The following PTPRM variants were observed in gnomAD, a reference collection of about 807,000 sequenced individuals.
PTPRM encodes the protein protein tyrosine phosphatase receptor type M.
Under a neutral mutation model 186.7 loss-of-function variants are expected in PTPRM, and 47 were observed. That is an observed-to-expected ratio of 0.25 (90% CI 0.20 to 0.32). PTPRM has a LOEUF of 0.32. Among genes scored for constraint, PTPRM ranks in the 10% least tolerant of loss-of-function variants. The pLI is 1.00. For synonymous variants in PTPRM, 668 were observed against 674.9 expected, an observed-to-expected ratio of 0.99 and a Z score of 0.16; for missense variants, 1,494 against 1,865.0, an observed-to-expected ratio of 0.80 and a Z score of 3.66.
intron 28 of PTPRM, among the ~76,000 whole-genome samples, chr18:8,379,574 G>A (rs1471618082): frequency 6.6e-6 from 1 of 152,238 alleles, no homozygotes; most frequent in Non-Finnish European, 1.5e-5. Context: ...GCATGGCACA[G>A]TTGCCCTCTG....
chr18:8,159,873 T>C (rs1174597462), intron 14 of PTPRM, among the ~76,000 whole-genome samples: 1 of 152,166 alleles, frequency 6.6e-6, no homozygotes, highest in Non-Finnish European at 1.5e-5. Flanking sequence ...AAAAAAAAAT[T>C]TCAGGGATGT....
chr18:7,993,459 C>G (rs2083369929), intron 7 of PTPRM, among the ~76,000 whole-genome samples: 1 of 151,970 alleles, frequency 6.6e-6, no homozygotes. Context: ...AGAGAGAATT[C>G]TAAACAATAG....
chr18:8,226,429 A>C (rs2094215096), intron 14 of PTPRM, among the ~76,000 whole-genome samples: 1 of 152,208 alleles, frequency 6.6e-6, no homozygotes, highest in Admixed American at 6.5e-5. Context: ...CTGTGAAACA[A>C]GAAATTCAGA....
chr18:7,864,159 T>C (rs1033789983), intron 2 of PTPRM, among the ~76,000 whole-genome samples: 1 of 152,242 alleles, frequency 6.6e-6, no homozygotes, highest in Non-Finnish European at 1.5e-5. Flanking sequence ...CTGTTCACTC[T>C]GATGATAGTT....
rs1287635194 is a variant in PTPRM at position 8,001,758 on chromosome 18, C to T, written c.1132+46344C>T. 3.0e-4 allele frequency among the ~76,000 whole-genome samples: 46 copies of T among 152,146 alleles called. 1 individual carries two copies. The highest frequency in any genetic ancestry group is 3.0e-3 in the Admixed American group (46 of 15,278). On this transcript the variant is annotated intron_variant, in intron 7 of 32. Transcript: ENST00000580170. ...GTTTTTCTTTGCTGAGCTCTAGCAG[C>T]CAGTTGGCCTGGTGAGATTGAATAA...
intron 23 of PTPRM, among the ~76,000 whole-genome samples, chr18:8,346,974 T>C (rs560488215): frequency 2.6e-5 from 4 of 152,324 alleles, no homozygotes; most frequent in Middle Eastern, 3.4e-3. Context: ...AGCCACCTCA[T>C]GTAGCCTAAA....
At chr18:7,812,324 C>T (rs974705006) in intron 2 of PTPRM, among the ~76,000 whole-genome samples, 1 of 152,202 alleles carries the variant, frequency 6.6e-6, no homozygotes, top group Non-Finnish European at 1.5e-5. Flanking sequence ...TTGTGCACTG[C>T]TGTTGCTCTT....
chr18:7,865,398 G>T (rs946517595), intron 2 of PTPRM, among the ~76,000 whole-genome samples: 3 of 152,134 alleles, frequency 2.0e-5, no homozygotes, highest in African/African-American at 7.2e-5. Flanking sequence ...AGCATAAAGG[G>T]TGTTGAATTT....
intron 7 of PTPRM, among the ~76,000 whole-genome samples, chr18:7,985,559 A>G (rs1184100593): frequency 1.3e-5 from 2 of 148,488 alleles, no homozygotes; most frequent in African/African-American, 4.9e-5. Context: ...ACTGGTAGAT[A>G]CGTATATAAA....
rs149117926 is a variant in PTPRM at position 8,235,986 on chromosome 18, C to A, written c.2301-8072C>A. ...TAATTTGTTAAGCTGTGTTTAATGGCTCATGATGCGGTCTATCTGGTGAAT... is the reference window on the plus strand; with the variant it reads ...TAATTTGTTAAGCTGTGTTTAATGGATCATGATGCGGTCTATCTGGTGAAT... On this transcript the variant is annotated intron_variant, in intron 14 of 32. Transcript: ENST00000580170. Among the ~76,000 whole-genome samples, 6 of 152,252 alleles carry A rather than the reference C, an allele frequency of 3.9e-5. No homozygotes were observed. The East Asian group carries it at 9.7e-4, about 24-fold the overall frequency.
intron 19 of PTPRM, among the ~76,000 whole-genome samples, chr18:8,284,308 C>A (rs2094933418): frequency 6.6e-6 from 1 of 152,172 alleles, no homozygotes; most frequent in Non-Finnish European, 1.5e-5. Flanking sequence ...GAACCACGTG[C>A]CCCTAAGGTT....
chr18:8,238,284 GTGTTTT>G (rs535066910), intron 14 of PTPRM, among the ~76,000 whole-genome samples: 3 of 151,910 alleles, frequency 2.0e-5, no homozygotes, highest in Admixed American at 6.6e-5. Context: ...GACATTTTGT[GTGTTTT>G]TGTTTTTGTT....
At chr18:7,642,061 C>T (rs1297668332) in intron 1 of PTPRM, among the ~76,000 whole-genome samples, 2 of 152,130 alleles carry the variant, frequency 1.3e-5, no homozygotes, top group Non-Finnish European at 2.9e-5. Context: ...CCGTGGCAGA[C>T]CTTGTCCCAA....
intron 20 of PTPRM, among the ~76,000 whole-genome samples, chr18:8,307,761 G>A (rs76094946): frequency 2.1e-4 from 32 of 151,564 alleles, no homozygotes; most frequent in Admixed American, 4.6e-4. Flanking sequence ...CCAAGATCGC[G>A]CCATTGCACT....
At chr18:8,087,381 T>C (rs2090487350) in intron 10 of PTPRM, among the ~76,000 whole-genome samples, 1 of 152,118 alleles carries the variant, frequency 6.6e-6, no homozygotes, top group African/African-American at 2.4e-5. Context: ...TACCCGAGAC[T>C]GGGTAACTTA....
chr18:8,118,108 A>G (rs1345000977), intron 13 of PTPRM, among the ~76,000 whole-genome samples: 3 of 152,202 alleles, frequency 2.0e-5, no homozygotes, highest in Non-Finnish European at 4.4e-5. Flanking sequence ...CAAATGTGTT[A>G]TTAGTAAGTT....
intron 2 of PTPRM, among the ~76,000 whole-genome samples, chr18:7,880,323 A>G (rs1383860604): frequency 6.6e-6 from 1 of 152,212 alleles, no homozygotes; most frequent in Non-Finnish European, 1.5e-5. Context: ...CCAGCATGTC[A>G]TGAATGGGGC....
At chr18:7,881,654 G>A (rs1293420491) in intron 2 of PTPRM, among the ~76,000 whole-genome samples, 2 of 152,138 alleles carry the variant, frequency 1.3e-5, no homozygotes, top group African/African-American at 4.8e-5. Flanking sequence ...ATTAGATCAA[G>A]TTCATGGAGC....
At chr18:7,640,228 C>T (rs1014765618) in intron 1 of PTPRM, among the ~76,000 whole-genome samples, 1 of 152,090 alleles carries the variant, frequency 6.6e-6, no homozygotes, top group African/African-American at 2.4e-5. Context: ...TGTTTCAGTA[C>T]AGGTAGGCAG....
Sources: gnomAD v4.1 joint callset for allele counts (sites outside exome capture counted in the v4.1 genomes callset) on GRCh38, gnomAD v4.1.1 for gene constraint, MANE v1.5 for transcripts, NCBI Gene and HGNC (gene_info 2026-07-23, HGNC 2026-07-21) for gene names.